The following TCERG1 variants were observed in gnomAD, a reference collection of about 807,000 sequenced individuals.
The protein encoded by TCERG1 is TATA box binding protein (TBP)-associated factor, RNA polymerase II, S, 150kD.
In TCERG1, 37 loss-of-function variants were observed where a neutral mutation model predicts 144.7. The observed-to-expected ratio is 0.26, with a 90% CI of 0.20 to 0.34. TCERG1 has a LOEUF of 0.34. TCERG1 is among the 10% of genes least tolerant of loss of function. TCERG1 has a pLI of 1.00. For synonymous variants in TCERG1, 492 were observed against 458.2 expected (o/e 1.07, Z -0.94); for missense variants, 1,027 against 1,380.7 (o/e 0.74, Z 4.06).
chr5:146,503,646 C>A, intron 18 of TCERG1, 107 bp downstream of exon 18: 1 of 1,427,376 alleles, frequency 7.0e-7, no homozygotes, highest in Non-Finnish European at 9.5e-7. Flanking sequence ...TGGATTTTTT[C>A]TTGTTAGTAT....
At chr5:146,509,026 T>G (rs962482105) in intron 21 of TCERG1, 119 bp from the exon 22 acceptor site, 5 of 507,280 alleles carry the variant, frequency 9.9e-6, no homozygotes, top group Non-Finnish European at 1.7e-5. Context: ...GCCTTTTTCT[T>G]TTGAATTTTA....
Position 146,471,556 on chromosome 5 carries a change from T to A in TCERG1, c.1581T>A (p.Ala527=). ...AGAAGGCAAAGCCAGTTGCTACTGC[T>A]CCTATTCCTGGTACTCCATGGTATG... ...AAQKAKPVAT[A]PIPGTPWCVV... is the part of the protein sequence containing the mutation. Residue 527 remains alanine (A), a synonymous_variant, in exon 9 of 23, where the codon GCT becomes GCA. Transcript: ENST00000679501. 6.2e-6 allele frequency: 10 copies of A among 1,613,506 alleles called. No homozygotes were observed. Among genetic ancestry groups the A allele is most frequent in the Non-Finnish European group, 8.5e-6 (10 of 1,179,722 alleles).
intron 10 of TCERG1, 119 bp downstream of exon 10, chr5:146,478,772 A>C: frequency 1.0e-6 from 1 of 962,968 alleles, no homozygotes; most frequent in Non-Finnish European, 1.5e-6. Flanking sequence ...AGCATTCGAA[A>C]AAAATAGACT....
chr5:146,486,634 C>CT (rs1272462692), intron 15 of TCERG1, among the ~76,000 whole-genome samples: 1 of 152,080 alleles, frequency 6.6e-6, no homozygotes, highest in Non-Finnish European at 1.5e-5. Context: ...CAACATAGTG[C>CT]TGGAAGTCTT....
Position 146,506,527 on chromosome 5 carries a change from T to A in TCERG1, c.2782-501T>A, listed in dbSNP as rs1768013374. Among the ~76,000 whole-genome samples the A allele has an allele frequency of 2.0e-5, 3 of 152,224 alleles. No homozygotes were observed. The South Asian group carries it at 6.2e-4, about 32-fold the overall frequency. ...TTTTTTGTGGTGAGACACTTGGAATTTACTCTCAGTTATTTTGAATGTAGA... is the reference window on the plus strand; with the variant it reads ...TTTTTTGTGGTGAGACACTTGGAATATACTCTCAGTTATTTTGAATGTAGA... On this transcript the variant is annotated intron_variant, in intron 19 of 22. Transcript: ENST00000679501.
At chr5:146,451,603 G>A (rs945348421) in intron 1 of TCERG1, among the ~76,000 whole-genome samples, 15 of 151,356 alleles carry the variant, frequency 9.9e-5, no homozygotes, top group East Asian at 5.9e-4. Context: ...GATTACAGGC[G>A]TGAGCCACCG....
chr5:146,451,781 T>TTTTTTTAA (rs1170715476), intron 1 of TCERG1, among the ~76,000 whole-genome samples: 3 of 149,810 alleles, frequency 2.0e-5, no homozygotes, highest in Non-Finnish European at 4.4e-5. Context: ...TAGTTTTTTT[T>TTTTTTTAA]TTTTTTAATT....
At chr5:146,475,587 C>T (rs560107994) in intron 9 of TCERG1, among the ~76,000 whole-genome samples, 4 of 150,476 alleles carry the variant, frequency 2.7e-5, no homozygotes, top group Non-Finnish European at 6.0e-5. Flanking sequence ...ATCATTAACC[C>T]GATTAAATCA....
At chr5:146,498,081 G>C (rs1447362445) in intron 16 of TCERG1, among the ~76,000 whole-genome samples, 2 of 151,742 alleles carry the variant, frequency 1.3e-5, no homozygotes, top group Non-Finnish European at 2.9e-5. Context: ...CTTCTTTCAG[G>C]CATTTCAGTC....
At chr5:146,487,735 A>T (rs1315256825) in intron 15 of TCERG1, among the ~76,000 whole-genome samples, 1 of 90,312 alleles carries the variant, frequency 1.1e-5, no homozygotes, top group African/African-American at 4.1e-5. Flanking sequence ...CTGTTTCAAA[A>T]AAAAAAAAAA....
At chr5:146,457,097 A>G (rs1762892347) in intron 2 of TCERG1, 86 bp from the exon 3 acceptor site, 1 of 1,518,060 alleles carries the variant, frequency 6.6e-7, no homozygotes, top group Non-Finnish European at 8.9e-7. Flanking sequence ...AGTTTCTCTT[A>G]CAGTGTTTTA....
chr5:146,507,985 G>T lies in TCERG1; in HGVS notation c.3045+29G>T. ...AGAGGATTTTGTGTCGAGATTTACT[G>T]TCAGTCTATAAATACTTAAATCGGG... On this transcript the variant is annotated intron_variant, in intron 21 of 22. Transcript: ENST00000679501. The surrounding 1 kb of genome is among the most constrained non-coding windows in gnomAD (Gnocchi z 4.6). The T allele has an allele frequency of 6.5e-7, 1 of 1,543,486 alleles. No individual in the cohort carries two copies. Among genetic ancestry groups the T allele is most frequent in the East Asian group, 2.3e-5 (1 of 44,110 alleles).
intron 5 of TCERG1, among the ~76,000 whole-genome samples, chr5:146,465,047 GAAAAC>G (rs1451607742): frequency 1.3e-5 from 2 of 151,932 alleles, no homozygotes; most frequent in African/African-American, 4.8e-5. Flanking sequence ...CATTTAAAAA[GAAAAC>G]AAAAGATGTT....
chr5:146,467,795 T>A (rs978483658), intron 5 of TCERG1, among the ~76,000 whole-genome samples: 5 of 152,232 alleles, frequency 3.3e-5, no homozygotes, highest in Non-Finnish European at 7.3e-5. Flanking sequence ...TAAAGTATTA[T>A]TTGCAGTGGA....
rs1278972631 is a variant in TCERG1 at position 146,504,013 on chromosome 5, G to T, written c.2781+7G>T. ...AGCTCTTCTGTCTGACATGGTATAC[G>T]TTAATCTTTTACTTTTTTTCTCTAA... On this transcript the variant is annotated splice_region_variant and intron_variant, in intron 19 of 22. Transcript: ENST00000679501. 1.3e-6 allele frequency: 2 copies of T among 1,512,294 alleles called. No homozygotes were observed. The highest frequency in any genetic ancestry group is 2.3e-5 in the East Asian group (1 of 43,028). The allele number at this position is 1,512,294 out of a possible 1,614,324, so 93.7% of individuals were successfully genotyped here.
At chr5:146,496,500 A>G (rs144998390) in intron 16 of TCERG1, among the ~76,000 whole-genome samples, 68 of 152,130 alleles carry the variant, frequency 4.5e-4, no homozygotes, top group African/African-American at 1.6e-3. Context: ...TCCTTATTCA[A>G]TTGTCAACTC....
rs1044955550 is a variant in TCERG1, at chr5:146,456,166, T to G, written c.285+885T>G. On this transcript the variant is annotated intron_variant, in intron 2 of 22. Transcript: ENST00000679501. Reference sequence around the variant, plus strand: ...TATGGAAGAGACAGGTTTTAATACTTTGCTTAATAATTTTATGGCCTTCCT... The same window carrying G: ...TATGGAAGAGACAGGTTTTAATACTGTGCTTAATAATTTTATGGCCTTCCT... Among the ~76,000 whole-genome samples, 3 of 152,312 alleles carry G rather than the reference T, an allele frequency of 2.0e-5. No homozygotes were observed. In the East Asian group the frequency reaches 5.8e-4, roughly 29 times the overall value.
chr5:146,448,285 A>G (rs893509247), intron 1 of TCERG1, among the ~76,000 whole-genome samples: 5 of 152,194 alleles, frequency 3.3e-5, no homozygotes, highest in East Asian at 1.9e-4. Flanking sequence ...TTGGCGTTCT[A>G]TTCGTCTACT....
intron 5 of TCERG1, among the ~76,000 whole-genome samples, chr5:146,464,513 A>G (rs985476069): frequency 6.6e-6 from 1 of 152,252 alleles, no homozygotes; most frequent in Non-Finnish European, 1.5e-5. Context: ...AGAAGTCATT[A>G]AAACTAGAGA....
Sources: gnomAD v4.1 joint callset for allele counts (sites outside exome capture counted in the v4.1 genomes callset) on GRCh38, gnomAD v4.1.1 for gene constraint, Gnocchi (gnomAD v3.1) non-coding constraint, MANE v1.5 for transcripts, NCBI Gene and HGNC (gene_info 2026-07-23, HGNC 2026-07-21) for gene names.